The following CNNM2 variants were observed in gnomAD, a reference collection of about 807,000 sequenced individuals.
CNNM2 encodes the protein cyclin and CBS domain divalent metal cation transport mediator 2, also known as metal transporter CNNM2.
CNNM2 carries 12 observed loss-of-function variants against 66.9 expected under a neutral mutation model. The observed-to-expected ratio is 0.18, with a 90% CI of 0.11 to 0.29. The LOEUF (loss-of-function observed/expected upper bound fraction) is 0.29. Among genes scored for constraint, CNNM2 ranks in the 10% least tolerant of loss-of-function variants. The probability of loss-of-function intolerance (pLI) is 1.00; values close to 1 mark genes in which losing one functional copy is unlikely to be tolerated. For synonymous variants in CNNM2, 557 were observed against 501.8 expected (o/e 1.11, Z -1.47); for missense variants, 705 against 1,167.7 (o/e 0.60, Z 5.77).
At chr10:102,976,996 T>G (rs2063644878) in intron 1 of CNNM2, among the ~76,000 whole-genome samples, 1 of 152,184 alleles carries the variant, frequency 6.6e-6, no homozygotes, top group South Asian at 2.1e-4. Context: ...ACTTTACCTT[T>G]ATGTGCTGAT....
chr10:103,018,269 G>C (rs945340069), intron 1 of CNNM2, among the ~76,000 whole-genome samples: 2 of 152,114 alleles, frequency 1.3e-5, no homozygotes, highest in African/African-American at 4.8e-5. Context: ...AAAAAGAGAA[G>C]AGGTAAGGAT....
chr10:103,067,714 A>T (rs1307313644), intron 4 of CNNM2, among the ~76,000 whole-genome samples: 1 of 152,168 alleles, frequency 6.6e-6, no homozygotes, highest in Non-Finnish European at 1.5e-5. Context: ...GGTTCCAGGG[A>T]TGAATAAGAC....
intron 1 of CNNM2, among the ~76,000 whole-genome samples, chr10:102,998,260 A>G (rs890052136): frequency 2.6e-5 from 4 of 152,220 alleles, no homozygotes; most frequent in Admixed American, 2.6e-4. Flanking sequence ...ACCTGTATCT[A>G]CAGCAGGGAA....
rs2065850758 is a variant in CNNM2, at chr10:103,087,641, T to C, written c.*10461T>C. ...ATGTAATAAGCTACTCATAAATTAT[T>C]TGGGTTTAAGAAAACTTAAGACTAT... On this transcript the variant is annotated 3_prime_UTR_variant, in exon 8 of 8. Coordinates refer to ENST00000369878, the MANE Select transcript of CNNM2 (RefSeq NM_017649.5). 1 of 152,190 alleles carries C rather than the reference T, an allele frequency of 6.6e-6. No individual in the cohort carries two copies. The highest frequency in any genetic ancestry group is 2.4e-5 in the African/African-American group (1 of 41,446). The allele number at this position is 152,190 out of a possible 1,614,324, so 9.4% of individuals were successfully genotyped here.
intron 6 of CNNM2, among the ~76,000 whole-genome samples, chr10:103,072,383 G>A (rs907197443): frequency 1.3e-5 from 2 of 152,192 alleles, no homozygotes; most frequent in African/African-American, 4.8e-5. Context: ...TGGAGCGCGA[G>A]CGCCTCTGCT....
chr10:102,923,958 T>G (rs1420461268), intron 1 of CNNM2, among the ~76,000 whole-genome samples: 1 of 152,246 alleles, frequency 6.6e-6, no homozygotes, highest in Non-Finnish European at 1.5e-5. Flanking sequence ...ATCTTGGTTT[T>G]TATTTACATT....
chr10:102,962,690 CTGTG>C (rs10580172), intron 1 of CNNM2, among the ~76,000 whole-genome samples: 7,238 of 143,804 alleles, frequency 0.05, 179 homozygotes, highest in Non-Finnish European at 0.058. Context: ...ATATGATATA[CTGTG>C]TGTGTGTGTG....
In CNNM2 at chr10:102,937,371, CAA is replaced by C. The variant is rs34466179; in HGVS notation, c.1621+17282_1621+17283del. On this transcript the variant is annotated intron_variant, in intron 1 of 7. Transcript: ENST00000369878. ...TGGGCAAAATAGCGAGACCCCATCT[CAA>C]AAAAAAAAAAATGTTTTGTTAAGTA... Among the ~76,000 whole-genome samples, 154 of 143,260 alleles carry C rather than the reference CAA, an allele frequency of 1.1e-3. 1 individual carries two copies. Among genetic ancestry groups the C allele is most frequent in the African/African-American group, 3.1e-3 (122 of 38,958 alleles). The allele number at this position is 143,260 out of a possible 152,430, so 94.0% of individuals were successfully genotyped here. A position where few individuals can be genotyped will look rare whatever the true frequency, so the allele number is the denominator to read the frequency against.
chr10:103,087,696 T>A lies in CNNM2; in HGVS notation c.*10516T>A, dbSNP rs921193298. The A allele has an allele frequency of 2.0e-5, 3 of 152,134 alleles. No individual in the cohort carries two copies. The highest frequency in any genetic ancestry group is 4.4e-5 in the Non-Finnish European group (3 of 68,018). The allele number at this position is 152,134 out of a possible 1,614,324, so 9.4% of individuals were successfully genotyped here. On this transcript the variant is annotated 3_prime_UTR_variant, in exon 8 of 8. Coordinates refer to ENST00000369878, the MANE Select transcript of CNNM2 (RefSeq NM_017649.5). ...AACTGGACAACATCTCCATCTTGAG[T>A]GAGAGTAATTAGTAACTAGGATGAC...
At chr10:103,004,987 CT>C (rs1006833701) in intron 1 of CNNM2, among the ~76,000 whole-genome samples, 103 of 151,558 alleles carry the variant, frequency 6.8e-4, no homozygotes, top group Middle Eastern at 6.8e-3. Context: ...TCTTTAATTT[CT>C]TTTTTTTTCC....
chr10:103,028,814 C>CTTTTTTTTTTTTTTTTT (rs67846722), intron 1 of CNNM2, among the ~76,000 whole-genome samples: 8 of 126,172 alleles, frequency 6.3e-5, no homozygotes, highest in South Asian at 2.5e-4. Context: ...TTTTCTTTTT[C>CTTTTTTTTTTTTTTTTT]TTTTTTTTTT....
At chr10:102,933,136 T>G (rs1450690518) in intron 1 of CNNM2, among the ~76,000 whole-genome samples, 1 of 152,156 alleles carries the variant, frequency 6.6e-6, no homozygotes, top group Non-Finnish European at 1.5e-5. Flanking sequence ...TCCATGTGAA[T>G]TTTTCAGGGA....
rs11191499 is a variant in CNNM2 at position 103,004,514 on chromosome 10, T to C, written c.1622-45193T>C. Among the ~76,000 whole-genome samples, 14,441 of 152,276 alleles carry C rather than the reference T, an allele frequency of 0.095. 891 individuals are homozygous for C. The highest frequency in any genetic ancestry group is 0.28 in the East Asian group (1,434 of 5,178). On this transcript the variant is annotated intron_variant, in intron 1 of 7. Transcript: ENST00000369878. ...TCAAACTGTATTGTGCACATCAGTT[T>C]CCTGGGAATCTTGTTAAAAGGTAGA...
chr10:103,069,743 T>TA lies in CNNM2; in HGVS notation c.2167+1023dup, dbSNP rs2065543199. ...TTGGCAGAGCGCACACGCTTGCTAT[T>TA]AATACCTGAGGCAGCCCGAACAGGT... On this transcript the variant is annotated intron_variant, in intron 5 of 7. Transcript: ENST00000369878. Among the ~76,000 whole-genome samples the TA allele has an allele frequency of 2.6e-5, 4 of 152,248 alleles. No homozygotes were observed. In the South Asian group the frequency reaches 8.3e-4, roughly 31 times the overall value.
At chr10:103,057,004 T>C (rs759895763) in intron 4 of CNNM2, 40 bp downstream of exon 4, 2 of 1,575,776 alleles carry the variant, frequency 1.3e-6, no homozygotes, top group Non-Finnish European at 1.7e-6. Flanking sequence ...TCTCACTGAG[T>C]ATCCATCTTT....
intron 1 of CNNM2, among the ~76,000 whole-genome samples, chr10:103,041,671 G>A (rs756985537): frequency 2.6e-5 from 4 of 152,152 alleles, no homozygotes; most frequent in Non-Finnish European, 2.9e-5. Context: ...ATCTTCTGTC[G>A]CCAAAATCAC....
At chr10:103,039,000 T>TA (rs552083579) in intron 1 of CNNM2, among the ~76,000 whole-genome samples, 159 of 148,444 alleles carry the variant, frequency 1.1e-3, no homozygotes, top group Middle Eastern at 0.01. Flanking sequence ...AATAAGTACT[T>TA]AAAAAAAAAA....
chr10:103,087,140 A>ATTTTTTTTTTTTTTTTTTT lies in CNNM2; in HGVS notation c.*9974_*9992dup, dbSNP rs71019655. 18 of 75,378 alleles carry ATTTTTTTTTTTTTTTTTTT rather than the reference A, an allele frequency of 2.4e-4. 1 individual carries two copies. Among genetic ancestry groups the ATTTTTTTTTTTTTTTTTTT allele is most frequent in the East Asian group, 1.0e-3 (2 of 1,986 alleles). The allele number at this position is 75,378 out of a possible 1,614,324, so 4.7% of individuals were successfully genotyped here. Reference sequence around the variant, plus strand: ...TTCTCACGGTATAAAACTCCGCAGGATTTTTTTTTTTTTTTTTTTTTTTTT... The same window carrying ATTTTTTTTTTTTTTTTTTT: ...TTCTCACGGTATAAAACTCCGCAGGATTTTTTTTTTTTTTTTTTTTTTTTTTTTTTTTTTTTTTTTTTTT... On this transcript the variant is annotated 3_prime_UTR_variant, in exon 8 of 8. Transcript: ENST00000369878.
At chr10:102,944,749 C>T (rs1846549691) in intron 1 of CNNM2, among the ~76,000 whole-genome samples, 1 of 152,042 alleles carries the variant, frequency 6.6e-6, no homozygotes, top group African/African-American at 2.4e-5. Context: ...TGATCACACC[C>T]ACGAAATTTA....
Sources: allele counts gnomAD v4.1 joint callset (sites outside exome capture counted in the v4.1 genomes callset), GRCh38; gene constraint gnomAD v4.1.1; transcripts MANE v1.5; gene names NCBI Gene and HGNC (gene_info 2026-07-23, HGNC 2026-07-21).